The following SYT1 variants were observed in gnomAD, a reference collection of about 807,000 sequenced individuals.
SYT1 encodes synaptotagmin 1, also known as synaptotagmin-1.
Under a neutral mutation model 44.8 loss-of-function variants are expected in SYT1, and 8 were observed. That is an observed-to-expected ratio of 0.18 (90% CI 0.10 to 0.32). The LOEUF (loss-of-function observed/expected upper bound fraction) is 0.32. Ranked by LOEUF, SYT1 falls within the 10% of genes least tolerant of loss-of-function variation. The pLI is 1.00. For synonymous variants in SYT1, 154 were observed against 188.8 expected (o/e 0.82, Z 1.51); for missense variants, 286 against 509.3 (o/e 0.56, Z 4.22).
chr12:78,905,754 GAT>G (rs1436350933), intron 1 of SYT1, among the ~76,000 whole-genome samples: 1 of 151,930 alleles, frequency 6.6e-6, no homozygotes, highest in Non-Finnish European at 1.5e-5. Context: ...GAAAAGTAAA[GAT>G]AGAGTTTTTT....
chr12:79,273,113 T>TTTTC (rs1408488336), intron 4 of SYT1, among the ~76,000 whole-genome samples: 3 of 134,594 alleles, frequency 2.2e-5, no homozygotes, highest in African/African-American at 8.0e-5. Flanking sequence ...GTGTTACCTT[T>TTTTC]TTTCTTTCTT....
rs535175033 is a variant in SYT1 at position 79,047,486 on chromosome 12, C to G, written c.-18+124C>G. 3.3e-3 allele frequency: 497 copies of G among 151,884 alleles called. 5 individuals are homozygous for G. The highest frequency in any genetic ancestry group is 0.011 in the African/African-American group (469 of 41,548). The allele number at this position is 151,884 out of a possible 1,614,324, so 9.4% of individuals were successfully genotyped here. A position where few individuals can be genotyped will look rare whatever the true frequency, so the allele number is the denominator to read the frequency against. ...AAATTAGTAGAGGAAGCAAGTTGAGCCTTCTCTTTCAATTTACTGGAGTAA... is the reference window on the plus strand; with the variant it reads ...AAATTAGTAGAGGAAGCAAGTTGAGGCTTCTCTTTCAATTTACTGGAGTAA... On this transcript the variant is annotated intron_variant, in intron 3 of 10. Coordinates refer to ENST00000261205, the MANE Select transcript of SYT1 (RefSeq NM_005639.3).
At chr12:79,241,925 C>T (rs180910122) in intron 4 of SYT1, among the ~76,000 whole-genome samples, 27 of 152,196 alleles carry the variant, frequency 1.8e-4, no homozygotes, top group African/African-American at 5.3e-4. Flanking sequence ...ACAGGGAGAA[C>T]GCCATGTGGC....
intron 2 of SYT1, among the ~76,000 whole-genome samples, chr12:79,018,585 T>C (rs1871970967): frequency 6.6e-6 from 1 of 152,100 alleles, no homozygotes; most frequent in South Asian, 2.1e-4. Context: ...AAAGAGCTGC[T>C]AGAAGTGGAT....
At chr12:79,045,964 T>A (rs780545266) in intron 2 of SYT1, 1 of 152,218 alleles carries the variant, frequency 6.6e-6, no homozygotes, top group Non-Finnish European at 1.5e-5. Context: ...AATGTGTATG[T>A]CCACAGAATC....
At chr12:79,349,653 G>A (rs1441638321) in intron 8 of SYT1, among the ~76,000 whole-genome samples, 1 of 152,136 alleles carries the variant, frequency 6.6e-6, no homozygotes, top group Non-Finnish European at 1.5e-5. Context: ...GCAAGGATAT[G>A]ACTTGGGTAT....
At chr12:78,907,496 C>A (rs932550094) in intron 1 of SYT1, among the ~76,000 whole-genome samples, 4 of 151,770 alleles carry the variant, frequency 2.6e-5, no homozygotes, top group Admixed American at 6.6e-5. Flanking sequence ...AGTTAAGGAC[C>A]AAGAGATTGA....
At chr12:79,275,018 C>T (rs1241018500) in intron 4 of SYT1, among the ~76,000 whole-genome samples, 1 of 152,174 alleles carries the variant, frequency 6.6e-6, no homozygotes, top group Non-Finnish European at 1.5e-5. Context: ...GTGGCAGCCC[C>T]ACCAGGTGGC....
intron 3 of SYT1, among the ~76,000 whole-genome samples, chr12:79,093,871 T>A (rs1337355820): frequency 6.6e-6 from 1 of 151,726 alleles, no homozygotes; most frequent in Non-Finnish European, 1.5e-5. Flanking sequence ...AATCTTATTT[T>A]CCAGTGAAAA....
chr12:79,348,382 C>G (rs1347133945), intron 8 of SYT1, among the ~76,000 whole-genome samples: 1 of 152,142 alleles, frequency 6.6e-6, no homozygotes, highest in Non-Finnish European at 1.5e-5. Context: ...ACTTTTAGAT[C>G]TTAAACCAGG....
intron 3 of SYT1, among the ~76,000 whole-genome samples, chr12:79,174,654 T>C (rs190595496): frequency 1.3e-5 from 2 of 151,970 alleles, no homozygotes; most frequent in East Asian, 3.9e-4. Context: ...ATTAAGAAAA[T>C]GGGTTGAGAG....
intron 3 of SYT1, among the ~76,000 whole-genome samples, chr12:79,113,385 A>G (rs770974737): frequency 1.3e-5 from 2 of 152,172 alleles, no homozygotes; most frequent in African/African-American, 2.4e-5. Flanking sequence ...AATGATAACT[A>G]TCTTATACTA....
intron 1 of SYT1, among the ~76,000 whole-genome samples, chr12:78,911,856 AG>A: frequency 6.6e-6 from 1 of 152,066 alleles, no homozygotes; most frequent in Admixed American, 6.6e-5. Context: ...GTAGTGATGG[AG>A]TCCTAGAGGC....
At chr12:79,363,129 A>G (rs945176791) in intron 9 of SYT1, among the ~76,000 whole-genome samples, 2 of 152,110 alleles carry the variant, frequency 1.3e-5, no homozygotes, top group African/African-American at 4.8e-5. Context: ...TTCAGTATAC[A>G]GAAAAAAAAA....
chr12:79,329,214 G>A (rs1017536802), intron 8 of SYT1, among the ~76,000 whole-genome samples: 1 of 152,132 alleles, frequency 6.6e-6, no homozygotes, highest in Admixed American at 6.5e-5. Context: ...CCTGCAGAAG[G>A]AGAGCCTTGG....
intron 3 of SYT1, among the ~76,000 whole-genome samples, chr12:79,053,693 T>A (rs1211921099): frequency 6.6e-6 from 1 of 150,750 alleles, no homozygotes; most frequent in African/African-American, 2.4e-5. Context: ...ACAACACTTA[T>A]TTTTAAACAA....
chr12:79,338,741 T>C (rs527826374), intron 8 of SYT1, among the ~76,000 whole-genome samples: 22 of 150,830 alleles, frequency 1.5e-4, no homozygotes, highest in Non-Finnish European at 3.1e-4. Context: ...TACATATGTA[T>C]ACATGTGCTG....
intron 2 of SYT1, among the ~76,000 whole-genome samples, chr12:79,003,735 G>A (rs1021321630): frequency 2.0e-5 from 3 of 151,876 alleles, no homozygotes; most frequent in Non-Finnish European, 2.9e-5. Flanking sequence ...TTCTCAATTT[G>A]TAAGTGTTGA....
chr12:78,883,675 A>G (rs902200528), intron 1 of SYT1, among the ~76,000 whole-genome samples: 4 of 151,706 alleles, frequency 2.6e-5, no homozygotes, highest in African/African-American at 9.7e-5. Context: ...GTTTTGGATT[A>G]TTTGAGCCAA....
Sources: allele counts gnomAD v4.1 joint callset (sites outside exome capture counted in the v4.1 genomes callset), GRCh38; gene constraint gnomAD v4.1.1; transcripts MANE v1.5; gene names NCBI Gene and HGNC (gene_info 2026-07-23, HGNC 2026-07-21).